DOCK1: variants seen among roughly 807,000 people sequenced by gnomAD.
DOCK1 encodes the protein dedicator of cytokinesis 1.
DOCK1 carries 138 observed loss-of-function variants against 262.7 expected under a neutral mutation model. The ratio of observed to expected loss-of-function variants is 0.53; its 90% CI spans 0.46 to 0.61. The LOEUF is 0.61. DOCK1 is among the 20% of genes least tolerant of loss of function. DOCK1 has a pLI of 0.00. For synonymous variants in DOCK1, 866 were observed against 867.4 expected (o/e 1.00, Z 0.03); for missense variants, 1,908 against 2,370.7 (o/e 0.80, Z 4.05).
chr10:127,368,451 G>A (rs1002823863), intron 33 of DOCK1, among the ~76,000 whole-genome samples: 2 of 151,846 alleles, frequency 1.3e-5, no homozygotes, highest in Non-Finnish European at 2.9e-5. Flanking sequence ...CCAACTCCTC[G>A]AGACACCACC....
intron 19 of DOCK1, among the ~76,000 whole-genome samples, chr10:127,039,739 T>A (rs187184087): frequency 6.6e-6 from 1 of 152,320 alleles, no homozygotes; most frequent in East Asian, 1.9e-4. Context: ...GCTGATAGAT[T>A]GTGGGTTTGG....
chr10:127,366,898 G>A (rs908026069), intron 33 of DOCK1, among the ~76,000 whole-genome samples: 1 of 152,298 alleles, frequency 6.6e-6, no homozygotes, highest in East Asian at 1.9e-4. Context: ...GTAGGGGGAA[G>A]ATATTAGGGG....
chr10:127,395,005 G>T (rs1265347098), intron 38 of DOCK1, among the ~76,000 whole-genome samples: 2 of 152,174 alleles, frequency 1.3e-5, no homozygotes, highest in African/African-American at 4.8e-5. Context: ...CGTGCTTCTT[G>T]AAGAGTAAAA....
chr10:127,288,729 G>A (rs1045590487), intron 29 of DOCK1, among the ~76,000 whole-genome samples: 19 of 149,412 alleles, frequency 1.3e-4, no homozygotes, highest in Admixed American at 2.7e-4. Flanking sequence ...GTAATATACA[G>A]CATAATATAG....
At chr10:127,278,035 C>G (rs966506133) in intron 29 of DOCK1, among the ~76,000 whole-genome samples, 1 of 152,038 alleles carries the variant, frequency 6.6e-6, no homozygotes, top group African/African-American at 2.4e-5. Context: ...TGTCCACTCA[C>G]TAATCCATGC....
intron 27 of DOCK1, among the ~76,000 whole-genome samples, chr10:127,166,865 A>G (rs1201541363): frequency 6.6e-6 from 1 of 151,966 alleles, no homozygotes; most frequent in Non-Finnish European, 1.5e-5. Context: ...TTATCTGCAA[A>G]TGGGCTGTCT....
At position 127,354,645 on chromosome 10, in the gene DOCK1, G is replaced by A. The variant is rs745898339; in HGVS notation, c.3225-24G>A. ...CAAATGCCTTCCGGAGTGATTCAGCGTTTTTCTTTTCCCTGATTTCCAGGT... is the reference window on the plus strand; with the variant it reads ...CAAATGCCTTCCGGAGTGATTCAGCATTTTTCTTTTCCCTGATTTCCAGGT... On this transcript the variant is annotated intron_variant, in intron 31 of 51. Coordinates refer to ENST00000623213, the MANE Select transcript of DOCK1 (RefSeq NM_001290223.2). The A allele has an allele frequency of 1.3e-4, 215 of 1,613,562 alleles. 1 individual carries two copies. Among genetic ancestry groups the A allele is most frequent in the Middle Eastern group, 8.3e-4 (5 of 6,054 alleles).
At position 126,995,340 on chromosome 10, in the gene DOCK1, G is replaced by A. The variant is rs191525608; in HGVS notation, c.474-1408G>A. ...GCCGAGATCATGCCACTGCACTCCA[G>A]CCTGGGCAACACTGAGCACTGGGTG... On this transcript the variant is annotated intron_variant, in intron 6 of 51. Transcript: ENST00000623213. The surrounding 1 kb of genome is among the most constrained non-coding windows in gnomAD (Gnocchi z 5.8). Among the ~76,000 whole-genome samples the A allele has an allele frequency of 6.6e-6, 1 of 152,310 alleles. No individual in the cohort carries two copies. Among genetic ancestry groups the A allele is most frequent in the Non-Finnish European group, 1.5e-5 (1 of 68,026 alleles).
chr10:127,271,544 A>G (rs1025020028), intron 29 of DOCK1, among the ~76,000 whole-genome samples: 1 of 152,228 alleles, frequency 6.6e-6, no homozygotes, highest in African/African-American at 2.4e-5. Flanking sequence ...CATTTTCTAT[A>G]CATTGTTTTT....
intron 1 of DOCK1, among the ~76,000 whole-genome samples, chr10:126,941,636 G>A (rs1374305690): frequency 1.3e-5 from 2 of 152,056 alleles, no homozygotes; most frequent in Non-Finnish European, 2.9e-5. Flanking sequence ...GGTGCCTGTA[G>A]TCCCGCTACT....
chr10:127,325,889 A>G (rs935935126), intron 29 of DOCK1, among the ~76,000 whole-genome samples: 12 of 152,206 alleles, frequency 7.9e-5, no homozygotes, highest in African/African-American at 2.9e-4. Context: ...TCCCTACCAG[A>G]CCACCACGAA....
At chr10:126,963,844 C>T (rs1431148884) in intron 1 of DOCK1, among the ~76,000 whole-genome samples, 3 of 151,984 alleles carry the variant, frequency 2.0e-5, no homozygotes, top group African/African-American at 7.3e-5. Context: ...CATTCAGGCT[C>T]ATCTCTCTAG....
chr10:127,051,621 C>T (rs963090696), intron 21 of DOCK1, among the ~76,000 whole-genome samples: 2 of 152,144 alleles, frequency 1.3e-5, no homozygotes, highest in South Asian at 2.1e-4. Flanking sequence ...TCACTCTTGT[C>T]GTCCATGCTG....
chr10:127,219,397 C>T (rs2058337019), intron 27 of DOCK1, among the ~76,000 whole-genome samples: 1 of 152,054 alleles, frequency 6.6e-6, no homozygotes, highest in South Asian at 2.1e-4. Flanking sequence ...TTGCTTAGGC[C>T]AATTAGTCCT....
chr10:127,363,666 C>T (rs1288058009), intron 33 of DOCK1, among the ~76,000 whole-genome samples: 1 of 152,130 alleles, frequency 6.6e-6, no homozygotes, highest in Admixed American at 6.5e-5. Context: ...CCCACCTCTA[C>T]AGTTTATCAT....
chr10:126,910,746 C>T (rs760202900), intron 1 of DOCK1, among the ~76,000 whole-genome samples: 1 of 152,158 alleles, frequency 6.6e-6, no homozygotes, highest in Admixed American at 6.5e-5. Context: ...CGCCTTTCTC[C>T]CCTCAAATCC....
chr10:127,200,310 G>A (rs1233421533), intron 27 of DOCK1, among the ~76,000 whole-genome samples: 1 of 152,220 alleles, frequency 6.6e-6, no homozygotes, highest in African/African-American at 2.4e-5. Flanking sequence ...TCCAGCCTAG[G>A]TACAATACTC....
intron 2 of DOCK1, among the ~76,000 whole-genome samples, chr10:126,977,097 G>A (rs1166159657): frequency 1.3e-5 from 2 of 152,140 alleles, no homozygotes; most frequent in African/African-American, 4.8e-5. Flanking sequence ...AGAATGTTTG[G>A]GAGTAAAAAA....
At chr10:127,035,988 T>A (rs1028215400) in intron 18 of DOCK1, among the ~76,000 whole-genome samples, 1 of 149,082 alleles carries the variant, frequency 6.7e-6, no homozygotes, top group East Asian at 2.0e-4. Context: ...TATGACAGAG[T>A]GAGACCCTGT....
Sources: allele counts gnomAD v4.1 joint callset (sites outside exome capture counted in the v4.1 genomes callset), GRCh38; gene constraint gnomAD v4.1.1; non-coding constraint Gnocchi (gnomAD v3.1); transcripts MANE v1.5; gene names NCBI Gene and HGNC (gene_info 2026-07-23, HGNC 2026-07-21).